OPRM1: variants seen among roughly 807,000 people sequenced by gnomAD.
OPRM1 encodes opioid receptor mu 1.
OPRM1 carries 27 observed loss-of-function variants against 31.8 expected under a neutral mutation model. The observed-to-expected ratio is 0.85, with a 90% confidence interval of 0.63 to 1.17. The LOEUF (loss-of-function observed/expected upper bound fraction) is 1.17, where lower values mean the gene tolerates loss of function less well. OPRM1 is among the 50% of genes most tolerant of loss of function. The pLI is 0.00. For missense variants in OPRM1, 536 were observed against 511.1 expected, an observed-to-expected ratio of 1.05 and a Z score of -0.47; for synonymous variants, 196 against 189.9, an observed-to-expected ratio of 1.03 and a Z score of -0.26.
At chr6:154,032,272 T>C (rs953591614) in intron 1 of OPRM1, among the ~76,000 whole-genome samples, 2 of 152,222 alleles carry the variant, frequency 1.3e-5, no homozygotes, top group African/African-American at 4.8e-5. Context: ...ACGAAGCTCA[T>C]TTAACACCCA....
intron 3 of OPRM1, chr6:154,199,996 C>T (rs1357439295): frequency 7.4e-6 from 12 of 1,613,990 alleles, no homozygotes; most frequent in African/African-American, 4.0e-5. Flanking sequence ...AAGAATACGA[C>T]GTTCCACTCA....
chr6:154,224,233 T>C (rs1173562167), intron 3 of OPRM1, among the ~76,000 whole-genome samples: 5 of 152,242 alleles, frequency 3.3e-5, no homozygotes, highest in Admixed American at 6.5e-5. Flanking sequence ...GTTAGTGCCA[T>C]GGGTGCTTTC....
In OPRM1 at chr6:154,168,855, C is replaced by T. The variant is rs1326791080; in HGVS notation, c.1164+77383C>T. ...TCCTGACTTTGGGTGATCCGCCCAC[C>T]TTGGCCTCCCAAAGTGCTGGGATTA... is the stretch of plus-strand genomic sequence containing the variant. On this transcript the variant is annotated intron_variant, in intron 3 of 3. Coordinates refer to the OPRM1 transcript ENST00000337049. This position sits in a 1 kb window ranked among gnomAD's most constrained non-coding sequence, Gnocchi z 4.1. Among the ~76,000 whole-genome samples, 1 of 152,040 alleles carries T rather than the reference C, an allele frequency of 6.6e-6. No individual in the cohort carries two copies. The highest frequency in any genetic ancestry group is 1.5e-5 in the Non-Finnish European group (1 of 68,012).
At chr6:154,016,826 G>C (rs1168659378) in intron 1 of OPRM1, among the ~76,000 whole-genome samples, 2 of 152,218 alleles carry the variant, frequency 1.3e-5, no homozygotes, top group Non-Finnish European at 2.9e-5. Flanking sequence ...ACAGCAGAAA[G>C]AGACGGAGTC....
chr6:154,155,951 T>C (rs1370352353), intron 3 of OPRM1: 3 of 152,226 alleles, frequency 2.0e-5, no homozygotes, highest in African/African-American at 7.2e-5. Context: ...GAGTAAATTA[T>C]CATGATTACA....
At chr6:154,201,894 C>CA (rs1335188171) in intron 3 of OPRM1, among the ~76,000 whole-genome samples, 1 of 151,894 alleles carries the variant, frequency 6.6e-6, no homozygotes, top group Non-Finnish European at 1.5e-5. Context: ...GGCTCCATCT[C>CA]AAAAAAACAA....
intron 3 of OPRM1, chr6:154,094,156 A>G (rs781043707): frequency 7.6e-6 from 8 of 1,058,756 alleles, no homozygotes; most frequent in Non-Finnish European, 1.0e-5. Flanking sequence ...TGAGGAATAT[A>G]TTATACTCTA....
At chr6:154,051,434 T>A (rs1200191714) in intron 1 of OPRM1, among the ~76,000 whole-genome samples, 1 of 152,220 alleles carries the variant, frequency 6.6e-6, no homozygotes, top group East Asian at 1.9e-4. Flanking sequence ...TGGATCTAAA[T>A]GATTCTGAGG....
chr6:154,083,374 C>T (rs936216163), intron 1 of OPRM1: 4 of 152,190 alleles, frequency 2.6e-5, no homozygotes, highest in Non-Finnish European at 5.9e-5. Context: ...GAAATGTATG[C>T]CATTAGCTTC....
intron 3 of OPRM1, chr6:154,110,425 T>G (rs779156869): frequency 6.7e-7 from 1 of 1,491,096 alleles, no homozygotes. Flanking sequence ...TTACAATATT[T>G]TCCCGTGAAA....
intron 3 of OPRM1, among the ~76,000 whole-genome samples, chr6:154,185,138 C>T (rs1374398933): frequency 6.6e-6 from 1 of 152,044 alleles, no homozygotes; most frequent in Admixed American, 6.6e-5. Flanking sequence ...ATTATTGTCC[C>T]CTGAGCCTCT....
chr6:154,242,444 A>G (rs866025423), intron 3 of OPRM1, among the ~76,000 whole-genome samples: 1 of 152,242 alleles, frequency 6.6e-6, no homozygotes. Flanking sequence ...ATATGAAATT[A>G]AGAACTATTA....
At chr6:154,024,469 T>A (rs1230096985) in intron 1 of OPRM1, among the ~76,000 whole-genome samples, 2 of 151,986 alleles carry the variant, frequency 1.3e-5, no homozygotes, top group East Asian at 3.8e-4. Flanking sequence ...GTCAATTTTG[T>A]TTAGCTTTTC....
rs200318741 is a variant in OPRM1 at position 154,091,222 on chromosome 6, A to G, written c.914A>G (p.Lys305Arg). The change falls in exon 3 of 4, where the codon AAA (lysine) becomes AGA (arginine). Residue 305 changes from lysine (K) to arginine (R), a missense_variant. Physicochemically the swap from Lys to Arg is conservative, Grantham distance 26 (BLOSUM62 2). Coordinates refer to ENST00000330432, the MANE Select transcript of OPRM1 (RefSeq NM_000914.5). ...WTPIHIYVIIKALVTIPETTF... is the reference protein window; with the variant it reads ...WTPIHIYVIIRALVTIPETTF... ...CCCATTCACATTTACGTCATCATTA[A>G]AGCCTTGGTTACAATCCCAGAAACT... The G allele has an allele frequency of 1.9e-6, 3 of 1,614,082 alleles. No homozygotes were observed. The East Asian group carries it at 6.7e-5, about 36-fold the overall frequency.
chr6:154,095,605 A>G (rs1793222911), intron 3 of OPRM1, among the ~76,000 whole-genome samples: 1 of 152,172 alleles, frequency 6.6e-6, no homozygotes, highest in Non-Finnish European at 1.5e-5. Context: ...TTTATTTCTA[A>G]CGCGTACTTT....
chr6:154,173,878 A>G (rs1004087465), intron 3 of OPRM1, among the ~76,000 whole-genome samples: 2 of 152,212 alleles, frequency 1.3e-5, no homozygotes, highest in Non-Finnish European at 2.9e-5. Context: ...TGTGAGATTC[A>G]TCAAGGTTGA....
upstream of OPRM1, among the ~76,000 whole-genome samples, chr6:154,035,748 G>C (rs1256960879): frequency 2.6e-5 from 4 of 152,088 alleles, no homozygotes; most frequent in Non-Finnish European, 5.9e-5. Context: ...ATTCATCCGT[G>C]CTATGAATAA....
chr6:154,172,017 T>G (rs1202419545), intron 3 of OPRM1, among the ~76,000 whole-genome samples: 1 of 152,238 alleles, frequency 6.6e-6, no homozygotes, highest in African/African-American at 2.4e-5. Flanking sequence ...GAATGGTTTC[T>G]TTACATTTCT....
At chr6:154,054,444 ATAAG>A (rs1217701971) in intron 1 of OPRM1, among the ~76,000 whole-genome samples, 1 of 151,568 alleles carries the variant, frequency 6.6e-6, no homozygotes, top group Non-Finnish European at 1.5e-5. Context: ...GCTCCTGGGC[ATAAG>A]TAAGTGTAAA....
Sources: allele counts gnomAD v4.1 joint callset (sites outside exome capture counted in the v4.1 genomes callset), GRCh38; gene constraint gnomAD v4.1.1; non-coding constraint Gnocchi (gnomAD v3.1); transcripts MANE v1.5; gene names NCBI Gene and HGNC (gene_info 2026-07-23, HGNC 2026-07-21).